RNF180: variants seen among roughly 807,000 people sequenced by gnomAD.
The protein encoded by RNF180 is E3 ubiquitin-protein ligase RNF180.
Under a neutral mutation model 59.2 loss-of-function variants are expected in RNF180, and 38 were observed. That is an observed-to-expected ratio of 0.64 (90% CI 0.50 to 0.84). RNF180 has a LOEUF of 0.84. RNF180 is among the 40% of genes least tolerant of loss of function. The pLI is 0.00. For synonymous variants in RNF180, 262 were observed against 240.3 expected (o/e 1.09, Z -0.84); for missense variants, 705 against 700.9 (o/e 1.01, Z -0.07).
intron 5 of RNF180, among the ~76,000 whole-genome samples, chr5:64,248,699 G>T (rs970295288): frequency 6.6e-6 from 1 of 152,162 alleles, no homozygotes; most frequent in Non-Finnish European, 1.5e-5. Flanking sequence ...ACAGTATGGC[G>T]ATTCCTCAAG....
At chr5:64,363,222 T>G (rs1478205378) in intron 7 of RNF180, among the ~76,000 whole-genome samples, 1 of 151,894 alleles carries the variant, frequency 6.6e-6, no homozygotes, top group African/African-American at 2.4e-5. Flanking sequence ...GTTTTTATGG[T>G]TTTGGGTTTT....
intron 5 of RNF180, among the ~76,000 whole-genome samples, chr5:64,222,903 G>T (rs1340503691): frequency 6.6e-6 from 1 of 152,180 alleles, no homozygotes; most frequent in Non-Finnish European, 1.5e-5. Flanking sequence ...ATCAACATGA[G>T]TTATCACTGT....
intron 5 of RNF180, among the ~76,000 whole-genome samples, chr5:64,260,240 T>C (rs946055003): frequency 3.9e-5 from 6 of 152,188 alleles, no homozygotes; most frequent in Non-Finnish European, 8.8e-5. Flanking sequence ...CGTGGCAGTT[T>C]TTCTAGGTCT....
At chr5:64,346,359 CTTTTTTTTTTT>C (rs1162054033) in intron 7 of RNF180, among the ~76,000 whole-genome samples, 54 of 42,952 alleles carry the variant, frequency 1.3e-3, no homozygotes, top group Middle Eastern at 0.026. Flanking sequence ...TTCTTTTCTT[CTTTTTTTTTTT>C]TTTTTTTTTT....
At chr5:64,259,014 A>G (rs1006203361) in intron 5 of RNF180, among the ~76,000 whole-genome samples, 1 of 152,144 alleles carries the variant, frequency 6.6e-6, no homozygotes, top group Non-Finnish European at 1.5e-5. Flanking sequence ...AAGCTTATAT[A>G]GCCACATGTG....
chr5:64,311,663 T>G (rs1357172520), intron 5 of RNF180, among the ~76,000 whole-genome samples: 1 of 152,036 alleles, frequency 6.6e-6, no homozygotes, highest in Non-Finnish European at 1.5e-5. Context: ...TCCTGGTTAA[T>G]TTGTACATAC....
At chr5:64,272,567 G>A (rs1379710970) in intron 5 of RNF180, among the ~76,000 whole-genome samples, 1 of 151,878 alleles carries the variant, frequency 6.6e-6, no homozygotes, top group African/African-American at 2.4e-5. Context: ...ACTATGGAGT[G>A]GCGTGATAAG....
chr5:64,246,635 A>C (rs1400996881), intron 5 of RNF180, among the ~76,000 whole-genome samples: 1 of 152,224 alleles, frequency 6.6e-6, no homozygotes, highest in African/African-American at 2.4e-5. Context: ...TACCAACCAA[A>C]AAAAGCCCAG....
intron 1 of RNF180, among the ~76,000 whole-genome samples, chr5:64,192,526 C>G (rs1751210300): frequency 6.6e-6 from 1 of 151,744 alleles, no homozygotes; most frequent in Admixed American, 6.6e-5. Context: ...ACAAAAATTA[C>G]CTGGGCGTGG....
intron 1 of RNF180, among the ~76,000 whole-genome samples, chr5:64,192,903 G>GTATGTATATA (rs1751241982): frequency 1.1e-5 from 1 of 93,870 alleles, no homozygotes; most frequent in Admixed American, 1.1e-4. Context: ...AGTGTGGCAT[G>GTATGTATATA]TATATATATA....
intron 5 of RNF180, among the ~76,000 whole-genome samples, chr5:64,305,511 G>A (rs1295483659): frequency 6.6e-6 from 1 of 150,678 alleles, no homozygotes; most frequent in Non-Finnish European, 1.5e-5. Context: ...GCTCTATATC[G>A]TCTGCCAGTT....
chr5:64,274,309 G>A (rs1741594582), intron 5 of RNF180, among the ~76,000 whole-genome samples: 1 of 150,126 alleles, frequency 6.7e-6, no homozygotes, highest in Admixed American at 6.6e-5. Context: ...TTGCCTTATC[G>A]ACTATATTTC....
rs899960454 is a variant in RNF180, at chr5:64,214,116, A to G, written c.790A>G (p.Ile264Val). Reference sequence around the variant, plus strand: ...TTCCAGACTAAATGAAACACAGCCTATTGACCTTTCAGGCTTGCCTTTACA... The same window carrying G: ...TTCCAGACTAAATGAAACACAGCCTGTTGACCTTTCAGGCTTGCCTTTACA... ...AYSRLNETQP[I>V]DLSGLPLQSS... Residue 264 changes from isoleucine (I) to valine (V), a missense_variant, in exon 4 of 8, where the codon ATT becomes GTT. Coordinates refer to ENST00000389100, the MANE Select transcript of RNF180 (RefSeq NM_001113561.2). 8.1e-6 allele frequency: 13 copies of G among 1,613,954 alleles called. No homozygotes were observed. In the East Asian group the frequency reaches 1.3e-4, roughly 17 times the overall value.
chr5:64,318,388 C>T (rs1291244632), intron 5 of RNF180, among the ~76,000 whole-genome samples: 1 of 152,128 alleles, frequency 6.6e-6, no homozygotes, highest in African/African-American at 2.4e-5. Context: ...GATTCACATC[C>T]TGTGTAGGAT....
chr5:64,327,432 C>A (rs568289607), intron 6 of RNF180, among the ~76,000 whole-genome samples: 1 of 152,126 alleles, frequency 6.6e-6, no homozygotes, highest in African/African-American at 2.4e-5. Flanking sequence ...TATGAACTTG[C>A]CTCTTAATAC....
At chr5:64,279,969 TGTAGTCCCAGATAC>T (rs1741925612) in intron 5 of RNF180, among the ~76,000 whole-genome samples, 2 of 152,324 alleles carry the variant, frequency 1.3e-5, no homozygotes, top group South Asian at 4.1e-4. Flanking sequence ...GGTGCACGCC[TGTAGTCCCAGATAC>T]GTAGGAGGCT....
At chr5:64,315,401 G>A (rs1387544371) in intron 5 of RNF180, among the ~76,000 whole-genome samples, 1 of 152,068 alleles carries the variant, frequency 6.6e-6, no homozygotes, top group East Asian at 1.9e-4. Context: ...TAAAAATGAT[G>A]TTCTATGAAA....
rs563003916 is a variant in RNF180 at position 64,348,263 on chromosome 5, G to A, written c.1579+17857G>A. Among the ~76,000 whole-genome samples the A allele has an allele frequency of 3.2e-4, 48 of 151,912 alleles. 1 individual carries two copies. Among genetic ancestry groups the A allele is most frequent in the Admixed American group, 8.5e-4 (13 of 15,242 alleles). On this transcript the variant is annotated intron_variant, in intron 7 of 7. Transcript: ENST00000389100. ...TGCCACAGGTACTGTGTGTTCTTTC[G>A]TTACTTTTTTCTGGCCTGAGAAAAT...
At chr5:64,195,093 AT>A (rs1424740832) in intron 1 of RNF180, among the ~76,000 whole-genome samples, 6 of 152,162 alleles carry the variant, frequency 3.9e-5, no homozygotes, top group Non-Finnish European at 2.9e-5. Flanking sequence ...TAAATTTAAC[AT>A]TGTATCCCAG....
Sources: gnomAD v4.1 joint callset for allele counts (sites outside exome capture counted in the v4.1 genomes callset) on GRCh38, gnomAD v4.1.1 for gene constraint, MANE v1.5 for transcripts, NCBI Gene and HGNC (gene_info 2026-07-23, HGNC 2026-07-21) for gene names.